Variants in BSN observed in about 807,000 individuals in gnomAD.
BSN encodes the protein protein bassoon.
A neutral mutation model predicts 264.8 loss-of-function variants in BSN; 57 were observed. That is an observed-to-expected ratio of 0.22 (90% CI 0.17 to 0.27). The LOEUF is 0.27. BSN is among the 10% of genes least tolerant of loss of function. The probability of loss-of-function intolerance (pLI) is 1.00; values close to 1 mark genes in which losing one functional copy is unlikely to be tolerated. For missense variants in BSN, 4,615 were observed against 5,232.5 expected (o/e 0.88, Z 3.64); for synonymous variants, 2,059 against 2,137.3 (o/e 0.96, Z 1.01).
In BSN at chr3:49,660,594, C is replaced by T. The variant is rs1470471360; in HGVS notation, c.8749C>T (p.Leu2917=). The change falls in exon 6 of 12, where the codon CTG becomes TTG. Residue 2917 remains leucine (L), a synonymous_variant. Transcript: ENST00000296452. This position sits in a 1 kb window ranked among gnomAD's most constrained non-coding sequence, Gnocchi z 7.1. Reference sequence around the variant, plus strand: ...CCTGGCTGGCCAGGCCTCCCCACAGCTGTATGCAGCCAGCCTGCTGCAGCG... The same window carrying T: ...CCTGGCTGGCCAGGCCTCCCCACAGTTGTATGCAGCCAGCCTGCTGCAGCG... ...LPLAGQASPQ[L]YAASLLQRGL... 6.2e-7 allele frequency: 1 copy of T among 1,612,472 alleles called. No individual in the cohort carries two copies. The highest frequency in any genetic ancestry group is 1.3e-5 in the African/African-American group (1 of 74,944).
chr3:49,651,004 T>G lies in BSN; in HGVS notation c.1911T>G (p.Ser637Arg), dbSNP rs2052537385. Reference sequence around the variant, plus strand: ...CCCCTGCGACTCCTAAAGTAAAGAGTGGGGTGAGGAGGGCTGAACCTGCCA... The same window carrying G: ...CCCCTGCGACTCCTAAAGTAAAGAGGGGGGTGAGGAGGGCTGAACCTGCCA... ...TPTPATPKVK[S>R]GVRRAEPATP... Residue 637 changes from serine to arginine, a missense_variant, in exon 4 of 12, where the codon AGT becomes AGG. Around this residue, in one of 3 missense-constraint regions of BSN, gnomAD observed 1,197 missense variants for 1,348.0 expected, o/e 0.89. Transcript: ENST00000296452. The surrounding 1 kb of genome is among the most constrained non-coding windows in gnomAD (Gnocchi z 5.4). 3 of 1,613,654 alleles carry G rather than the reference T, an allele frequency of 1.9e-6. No homozygotes were observed. The highest frequency in any genetic ancestry group is 2.7e-5 in the African/African-American group (2 of 74,848).
intron 1 of BSN, among the ~76,000 whole-genome samples, chr3:49,579,025 A>G (rs535612556): frequency 1.3e-5 from 2 of 152,254 alleles, no homozygotes; most frequent in African/African-American, 4.8e-5. Flanking sequence ...CACCCAGAGG[A>G]CATGGAGGCT....
chr3:49,563,365 G>A lies in BSN; in HGVS notation c.224+8539G>A, dbSNP rs1223421449. Among the ~76,000 whole-genome samples, 3 of 152,286 alleles carry A rather than the reference G, an allele frequency of 2.0e-5. No homozygotes were observed. The South Asian group carries it at 6.2e-4, about 32-fold the overall frequency. Reference sequence around the variant, plus strand: ...AGGCTCCCTGTTCTCAGCTGTGCTCGGCTGCTTATCTCCTGAGTGTTGTTC... The same window carrying A: ...AGGCTCCCTGTTCTCAGCTGTGCTCAGCTGCTTATCTCCTGAGTGTTGTTC... On this transcript the variant is annotated intron_variant, in intron 1 of 11. Transcript: ENST00000296452.
In BSN at chr3:49,655,610, A is replaced by T. The variant is rs2052592007; in HGVS notation, c.6054A>T (p.Ser2018=). The change falls in exon 5 of 12, where the codon TCA becomes TCT. Residue 2018 remains serine (S), a synonymous_variant. Transcript: ENST00000296452. ...GAGACTCGGCTATGGACCTCAGCTC[A>T]CTGAAGCACTCCTACAGCCTGGGCT... The part of the protein sequence containing the change: ...PGRDSAMDLS[S]LKHSYSLGFA... 1 of 1,613,540 alleles carries T rather than the reference A, an allele frequency of 6.2e-7. No homozygotes were observed. Among genetic ancestry groups the T allele is most frequent in the Non-Finnish European group, 8.5e-7 (1 of 1,179,988 alleles).
intron 1 of BSN, among the ~76,000 whole-genome samples, chr3:49,573,963 T>G (rs2051819268): frequency 6.6e-6 from 1 of 150,636 alleles, no homozygotes; most frequent in South Asian, 2.1e-4. Flanking sequence ...AGCCTTTCTG[T>G]TTTTGAGATG....
chr3:49,620,979 C>T (rs1231899583), intron 1 of BSN, among the ~76,000 whole-genome samples: 1 of 152,152 alleles, frequency 6.6e-6, no homozygotes, highest in East Asian at 1.9e-4. Context: ...CTGAGAATGG[C>T]TCAAACCAGG....
intron 1 of BSN, among the ~76,000 whole-genome samples, chr3:49,620,204 A>G (rs1049356271): frequency 6.6e-6 from 1 of 152,222 alleles, no homozygotes; most frequent in East Asian, 1.9e-4. Flanking sequence ...AGGCGGGCGG[A>G]TCACAAGGTC....
intron 1 of BSN, among the ~76,000 whole-genome samples, chr3:49,593,863 C>T (rs1286413223): frequency 1.4e-5 from 2 of 140,590 alleles, no homozygotes; most frequent in East Asian, 2.1e-4. Context: ...AGTGCGGTGG[C>T]GTGATCTTGG....
chr3:49,573,884 C>T (rs527605606), intron 1 of BSN, among the ~76,000 whole-genome samples: 23 of 151,956 alleles, frequency 1.5e-4, no homozygotes, highest in South Asian at 4.2e-4. Flanking sequence ...CTCGAACTCC[C>T]GACCTCAGGT....
chr3:49,632,852 G>T (rs1158124488), intron 2 of BSN, among the ~76,000 whole-genome samples: 1 of 152,108 alleles, frequency 6.6e-6, no homozygotes, highest in African/African-American at 2.4e-5. Context: ...TGTCTTCCCA[G>T]ATACTTGAGA....
intron 1 of BSN, among the ~76,000 whole-genome samples, chr3:49,596,599 C>T (rs2052024823): frequency 6.6e-6 from 1 of 152,160 alleles, no homozygotes; most frequent in African/African-American, 2.4e-5. Flanking sequence ...AAGCAATCCT[C>T]CTGCCTCGGC....
chr3:49,648,598 C>G (rs905995788), intron 3 of BSN, among the ~76,000 whole-genome samples: 3 of 152,242 alleles, frequency 2.0e-5, no homozygotes, highest in Non-Finnish European at 4.4e-5. Flanking sequence ...GGATCAGGCT[C>G]TGTGCTCTCC....
At chr3:49,572,372 A>C (rs934444523) in intron 1 of BSN, among the ~76,000 whole-genome samples, 1 of 152,176 alleles carries the variant, frequency 6.6e-6, no homozygotes, top group African/African-American at 2.4e-5. Context: ...TGATGGATCA[A>C]GGAACACATT....
chr3:49,661,409 C>A lies in BSN; in HGVS notation c.9564C>A (p.Gly3188=). 5.0e-6 allele frequency: 8 copies of A among 1,613,932 alleles called. No homozygotes were observed. In the South Asian group the frequency reaches 8.8e-5, roughly 18 times the overall value. Residue 3188 remains glycine (G), a synonymous_variant, in exon 6 of 12, where the codon GGC becomes GGA. Transcript: ENST00000296452. ...ACAGTGGCCCAGCAGTGAGCAGCGG[C>A]TATGAGCAGGGCAAGGTCCCTGAGG... The part of the protein sequence containing the change: ...TSYSGPAVSS[G]YEQGKVPEVP...
At position 49,663,837 on chromosome 3, in the gene BSN, A is replaced by C. The variant is rs2052687770; in HGVS notation, c.11559A>C (p.Gln3853His). 1 of 1,614,000 alleles carries C rather than the reference A, an allele frequency of 6.2e-7. No individual in the cohort carries two copies. Among genetic ancestry groups the C allele is most frequent in the African/African-American group, 1.3e-5 (1 of 74,934 alleles). ...CTAAAGGGACAGCCAAAGCACCGCA[A>C]CAGGGGAGGGCTCCTCAGGCCCAGC... ...NGSKGTAKAP[Q>H]QGRAPQAQPA... The change falls in exon 8 of 12, where the codon CAA becomes CAC. Residue 3853 changes from glutamine (Q) to histidine (H), a missense_variant. Gln to His is a conservative substitution (Grantham distance 24). Around this residue, in one of 3 missense-constraint regions of BSN, gnomAD observed 3,415 missense variants for 3,866.4 expected, o/e 0.88. Coordinates refer to ENST00000296452, the MANE Select transcript of BSN (RefSeq NM_003458.4).
chr3:49,606,332 T>TTATATATATTAAAAATATATATA (rs1559603765), intron 1 of BSN, among the ~76,000 whole-genome samples: 1 of 121,816 alleles, frequency 8.2e-6, no homozygotes, highest in Non-Finnish European at 1.6e-5. Context: ...AAAATATATA[T>TTATATATATTAAAAATATATATA]ATATTTTTGG....
At chr3:49,605,405 T>A (rs745902884) in intron 1 of BSN, among the ~76,000 whole-genome samples, 5 of 42,444 alleles carry the variant, frequency 1.2e-4, no homozygotes, top group African/African-American at 3.0e-4. Flanking sequence ...TATATTTATA[T>A]AATTTATATT....
rs548832455 is a variant in BSN, at chr3:49,602,213, A to G, written c.225-22762A>G. Among the ~76,000 whole-genome samples the G allele has an allele frequency of 3.3e-5, 5 of 152,314 alleles. No homozygotes were observed. The East Asian group carries it at 7.7e-4, about 23-fold the overall frequency. ...ACATCCATTGCAGGGTGATTTCCTC[A>G]GGTCCTCTTGACCTGCTGTGCTCTG... On this transcript the variant is annotated intron_variant, in intron 1 of 11. Transcript: ENST00000296452.
chr3:49,565,556 G>A (rs1232920210), intron 1 of BSN, among the ~76,000 whole-genome samples: 2 of 152,004 alleles, frequency 1.3e-5, no homozygotes, highest in African/African-American at 4.8e-5. Context: ...TCCTGACCTC[G>A]TGATCCACCC....
Sources: gnomAD v4.1 joint callset for allele counts (sites outside exome capture counted in the v4.1 genomes callset) on GRCh38, gnomAD v4.1.1 for gene constraint, gnomAD v4.1.1 regional missense constraint, Gnocchi (gnomAD v3.1) non-coding constraint, MANE v1.5 for transcripts, NCBI Gene and HGNC (gene_info 2026-07-23, HGNC 2026-07-21) for gene names.